SMPDL3B: variants seen among roughly 807,000 people sequenced by gnomAD.
SMPDL3B encodes acid sphingomyelinase-like phosphodiesterase 3b.
A neutral mutation model predicts 37.9 loss-of-function variants in SMPDL3B; 31 were observed. That is an observed-to-expected ratio of 0.82 (90% CI 0.61 to 1.10). The LOEUF (loss-of-function observed/expected upper bound fraction) is 1.10, where lower values mean the gene tolerates loss of function less well. SMPDL3B is among the 50% of genes least tolerant of loss of function. SMPDL3B has a pLI of 0.00. For synonymous variants in SMPDL3B, 235 were observed against 242.6 expected (o/e 0.97, Z 0.29); for missense variants, 525 against 597.8 (o/e 0.88, Z 1.27).
chr1:27,939,427 G>A (rs567092651), intron 1 of SMPDL3B, among the ~76,000 whole-genome samples: 41 of 152,118 alleles, frequency 2.7e-4, no homozygotes, highest in Non-Finnish European at 5.1e-4. Context: ...CATAGCTCAA[G>A]GTAACCTCAA....
chr1:27,956,300 G>A (rs1231768407), intron 7 of SMPDL3B: 11 of 1,501,266 alleles, frequency 7.3e-6, no homozygotes, highest in Non-Finnish European at 8.9e-6. Context: ...CTGGATGACT[G>A]TCACAGCTTC....
Position 27,955,681 on chromosome 1 carries a change from T to A in SMPDL3B, c.691-3T>A. On this transcript the variant is annotated splice_region_variant and splice_polypyrimidine_tract_variant and intron_variant, in intron 5 of 7. Transcript: ENST00000373894. ...GCCTCTTCTGGGAACCCCTCCCTTG[T>A]AGGTGTACATTGTCGGCCACGTGCC... 6.2e-7 allele frequency: 1 copy of A among 1,611,222 alleles called. No homozygotes were observed. Among genetic ancestry groups the A allele is most frequent in the Non-Finnish European group, 8.5e-7 (1 of 1,178,010 alleles).
chr1:27,959,082 G>C lies in SMPDL3B; in HGVS notation c.*244G>C, dbSNP rs1412481211. The stretch of plus-strand genomic sequence containing the variant: ...AAACAGAAAAGAAATGACGACCCAA[G>C]ACCCCCCTACAAGCATACTTCTTTT... On this transcript the variant is annotated 3_prime_UTR_variant, in exon 8 of 8. Transcript: ENST00000373894. 3.8e-6 allele frequency: 2 copies of C among 527,526 alleles called. No homozygotes were observed. Among genetic ancestry groups the C allele is most frequent in the Non-Finnish European group, 6.8e-6 (2 of 294,544 alleles). 32.7% of individuals were successfully genotyped at this position (527,526 alleles called of 1,614,324 possible).
At chr1:27,942,155 G>A (rs2090364892) in intron 1 of SMPDL3B, 2 of 379,624 alleles carry the variant, frequency 5.3e-6, no homozygotes, top group Admixed American at 3.6e-5. Flanking sequence ...TTCTGGAGTG[G>A]AGAAATGTTC....
In SMPDL3B at chr1:27,955,211, T is replaced by C. The variant is rs541846617; in HGVS notation, c.691-473T>C. ...AGCTGCAGTCTGACTCCAAAACTCA[T>C]ACATTTAACTCTGTCCCCTGTTCTA... On this transcript the variant is annotated intron_variant, in intron 5 of 7. Coordinates refer to ENST00000373894, the MANE Select transcript of SMPDL3B (RefSeq NM_014474.4). Among the ~76,000 whole-genome samples the C allele has an allele frequency of 1.1e-4, 17 of 152,298 alleles. No individual in the cohort carries two copies. The South Asian group carries it at 2.9e-3, about 26-fold the overall frequency.
chr1:27,958,926 C>T lies in SMPDL3B; in HGVS notation c.*88C>T, dbSNP rs765697727. On this transcript the variant is annotated 3_prime_UTR_variant, in exon 8 of 8. Coordinates refer to ENST00000373894, the MANE Select transcript of SMPDL3B (RefSeq NM_014474.4). The surrounding 1 kb of genome is among the most constrained non-coding windows in gnomAD (Gnocchi z 5.6). Reference sequence around the variant, plus strand: ...GCTGGGCCTTCCACCATTTCCTCCGCGCCTGAGGAGTGAACTGAAATAGGA... The same window carrying T: ...GCTGGGCCTTCCACCATTTCCTCCGTGCCTGAGGAGTGAACTGAAATAGGA... 2.9e-6 allele frequency: 4 copies of T among 1,393,056 alleles called. No homozygotes were observed. The highest frequency in any genetic ancestry group is 2.9e-5 in the African/African-American group (2 of 69,250). The allele number at this position is 1,393,056 out of a possible 1,614,324, so 86.3% of individuals were successfully genotyped here. A position where few individuals can be genotyped will look rare whatever the true frequency, so the allele number is the denominator to read the frequency against.
Position 27,945,190 on chromosome 1 carries a change from G to C in SMPDL3B, c.62-42G>C. The C allele has an allele frequency of 6.3e-7, 1 of 1,599,360 alleles. No homozygotes were observed. The highest frequency in any genetic ancestry group is 8.6e-7 in the Non-Finnish European group (1 of 1,167,440). ...CTGGACTTCCTTGCTTCCAGGCTGA[G>C]AGAGAGACCAGCTTTGAAGGAGGAT... On this transcript the variant is annotated intron_variant, in intron 1 of 7. Coordinates refer to ENST00000373894, the MANE Select transcript of SMPDL3B (RefSeq NM_014474.4). The surrounding 1 kb of genome is among the most constrained non-coding windows in gnomAD (Gnocchi z 4.0).
chr1:27,952,443 G>C (rs1002117632), intron 3 of SMPDL3B, among the ~76,000 whole-genome samples: 1 of 152,186 alleles, frequency 6.6e-6, no homozygotes, highest in South Asian at 2.1e-4. Flanking sequence ...GAGTCCAAGA[G>C]TTATTTTTGT....
intron 3 of SMPDL3B, among the ~76,000 whole-genome samples, chr1:27,951,690 T>TA (rs927008133): frequency 3.1e-4 from 47 of 151,650 alleles, no homozygotes; most frequent in Admixed American, 1.8e-3. Flanking sequence ...CTACAAAAAA[T>TA]AAAAAAAAAT....
At chr1:27,944,517 A>G (rs2090389759) in intron 1 of SMPDL3B, among the ~76,000 whole-genome samples, 1 of 151,666 alleles carries the variant, frequency 6.6e-6, no homozygotes, top group Non-Finnish European at 1.5e-5. Flanking sequence ...CCCACACCCG[A>G]CGAATTTTCT....
intron 7 of SMPDL3B, 135 bp downstream of exon 7, chr1:27,956,217 C>T (rs1359524904): frequency 1.3e-6 from 2 of 1,588,880 alleles, no homozygotes; most frequent in Admixed American, 1.7e-5. Flanking sequence ...CCACCCTTCT[C>T]CAGCTCAGGA....
Position 27,945,722 on chromosome 1 carries a change from C to T in SMPDL3B, c.275+277C>T, listed in dbSNP as rs933253392. Among the ~76,000 whole-genome samples, 4 of 152,154 alleles carry T rather than the reference C, an allele frequency of 2.6e-5. No homozygotes were observed. Among genetic ancestry groups the T allele is most frequent in the Admixed American group, 1.3e-4 (2 of 15,276 alleles). Reference sequence around the variant, plus strand: ...CGTGGTCCTGGCATGCCTGGGCACCCGGAGAGTGTCCAGGTTTTAAGCTAT... The same window carrying T: ...CGTGGTCCTGGCATGCCTGGGCACCTGGAGAGTGTCCAGGTTTTAAGCTAT... On this transcript the variant is annotated intron_variant, in intron 2 of 7. Coordinates refer to ENST00000373894, the MANE Select transcript of SMPDL3B (RefSeq NM_014474.4). This position sits in a 1 kb window ranked among gnomAD's most constrained non-coding sequence, Gnocchi z 4.0.
chr1:27,943,146 A>G (rs372290996), intron 1 of SMPDL3B, among the ~76,000 whole-genome samples: 2 of 152,266 alleles, frequency 1.3e-5, no homozygotes, highest in East Asian at 3.9e-4. Context: ...CCTGGGAGGG[A>G]TTGGAGCCCA....
intron 2 of SMPDL3B, among the ~76,000 whole-genome samples, chr1:27,948,434 T>A (rs2148677620): frequency 6.6e-6 from 1 of 152,252 alleles, no homozygotes; most frequent in Admixed American, 6.5e-5. Context: ...TCCCCATCCC[T>A]ACACTCCACC....
At chr1:27,939,240 C>A (rs1281797647) in intron 1 of SMPDL3B, among the ~76,000 whole-genome samples, 1 of 152,190 alleles carries the variant, frequency 6.6e-6, no homozygotes, top group Non-Finnish European at 1.5e-5. Flanking sequence ...ACCTTCTAGC[C>A]ATTTTAAGAA....
intron 1 of SMPDL3B, among the ~76,000 whole-genome samples, chr1:27,941,284 G>C (rs1250150397): frequency 6.6e-6 from 1 of 152,158 alleles, no homozygotes; most frequent in African/African-American, 2.4e-5. Flanking sequence ...TTGAGCCTTA[G>C]TTTGCTTATC....
At chr1:27,949,499 GC>G (rs975284212) in intron 3 of SMPDL3B, among the ~76,000 whole-genome samples, 2 of 152,188 alleles carry the variant, frequency 1.3e-5, no homozygotes, top group African/African-American at 4.8e-5. Flanking sequence ...CTCACACACA[GC>G]CCTTGTGTCC....
intron 1 of SMPDL3B, among the ~76,000 whole-genome samples, chr1:27,941,998 T>C (rs1375893821): frequency 1.3e-5 from 2 of 151,888 alleles, no homozygotes; most frequent in South Asian, 2.1e-4. Flanking sequence ...CACACACACA[T>C]GCACACACAC....
chr1:27,935,808 C>G (rs1185585059), intron 1 of SMPDL3B, among the ~76,000 whole-genome samples: 1 of 152,084 alleles, frequency 6.6e-6, no homozygotes, highest in Admixed American at 6.5e-5. Flanking sequence ...TCAAGTGGAG[C>G]CTTGAGGCAG....
Sources: gnomAD v4.1 joint callset for allele counts (sites outside exome capture counted in the v4.1 genomes callset) on GRCh38, gnomAD v4.1.1 for gene constraint, Gnocchi (gnomAD v3.1) non-coding constraint, MANE v1.5 for transcripts, NCBI Gene and HGNC (gene_info 2026-07-23, HGNC 2026-07-21) for gene names.